Variants in RCN1 observed in about 807,000 individuals in gnomAD.
RCN1 encodes reticulocalbin-1.
In RCN1, 14 loss-of-function variants were observed where a neutral mutation model predicts 34.7. That is an observed-to-expected ratio of 0.40 (90% CI 0.27 to 0.63). RCN1 has a LOEUF of 0.63. RCN1 is among the 30% of genes least tolerant of loss of function. The pLI is 0.37. For synonymous variants in RCN1, 125 were observed against 165.5 expected (o/e 0.76, Z 1.88); for missense variants, 326 against 425.1 (o/e 0.77, Z 2.05).
At position 32,091,242 on chromosome 11, in the gene RCN1, C is replaced by A. The variant is rs771721732; in HGVS notation, c.46C>A (p.Leu16Met). ...CCGCCGCCTGGGGTTAGCCCTGGGG[C>A]TGCTGCTGGCGCTGGTGCTGGCGCC... Reference protein sequence around the residue: ...RGRRLGLALGLLLALVLAPRV... With the variant: ...RGRRLGLALGMLLALVLAPRV... The change falls in exon 1 of 6, where the codon CTG (leucine) becomes ATG (methionine). Residue 16 changes from leucine to methionine, a missense_variant. Leu to Met is a conservative substitution (Grantham distance 15). Coordinates refer to ENST00000054950, the MANE Select transcript of RCN1 (RefSeq NM_002901.4). 1.3e-6 allele frequency: 2 copies of A among 1,530,588 alleles called. No individual in the cohort carries two copies. The highest frequency in any genetic ancestry group is 1.2e-5 in the South Asian group (1 of 81,464). The allele number at this position is 1,530,588 out of a possible 1,614,324, so 94.8% of individuals were successfully genotyped here.
chr11:32,103,059 T>G (rs1257064570), intron 4 of RCN1: 1 of 643,360 alleles, frequency 1.6e-6, no homozygotes, highest in African/African-American at 1.8e-5. Flanking sequence ...GATTTATCTT[T>G]TGGCTTCTAA....
intron 4 of RCN1, chr11:32,102,270 G>GA (rs36081339): frequency 0.71 from 107,942 of 151,664 alleles, 38,731 homozygotes; most frequent in East Asian, 0.96. Context: ...TAAAATGGGG[G>GA]AAAAAAAGTG....
intron 3 of RCN1, among the ~76,000 whole-genome samples, chr11:32,100,198 G>A (rs980382405): frequency 2.0e-5 from 3 of 152,156 alleles, no homozygotes; most frequent in African/African-American, 7.2e-5. Flanking sequence ...TAATCCAGTG[G>A]TTCTCACACT....
chr11:32,097,211 A>G lies in RCN1; in HGVS notation c.322A>G (p.Ile108Val). 1 of 1,606,352 alleles carries G rather than the reference A, an allele frequency of 6.2e-7. No individual in the cohort carries two copies. The highest frequency in any genetic ancestry group is 8.5e-7 in the Non-Finnish European group (1 of 1,177,670). Residue 108 changes from isoleucine to valine, a missense_variant, in exon 2 of 6, where the codon ATC (isoleucine) becomes GTC (valine). By Grantham distance (29) the Ile-to-Val change is conservative. Transcript: ENST00000054950. ...FVTTEELKTW[I>V]KRVQKRYIFD... ...CACTACTGAGGAGCTGAAAACCTGG[A>G]TCAAACGGGTGCAGAAAAGATACAT...
At chr11:32,104,193 G>A (rs543451894) in intron 5 of RCN1, among the ~76,000 whole-genome samples, 172 bp from the exon 6 acceptor site, 70 of 152,314 alleles carry the variant, frequency 4.6e-4, no homozygotes, top group African/African-American at 1.5e-3. Flanking sequence ...AGGCTGTTCC[G>A]ATTTGGAGTT....
At position 32,097,422 on chromosome 11, in the gene RCN1, C is replaced by G. The variant is rs1032524154; in HGVS notation, c.448+85C>G. On this transcript the variant is annotated intron_variant, in intron 2 of 5. Coordinates refer to ENST00000054950, the MANE Select transcript of RCN1 (RefSeq NM_002901.4). ...ACTCTCTCTTCTCTTATCATATCCA[C>G]TCCCTTCAGGGAGATGTCACAGCCT... is the stretch of plus-strand genomic sequence containing the variant. 32 of 988,868 alleles carry G rather than the reference C, an allele frequency of 3.2e-5. No homozygotes were observed. The South Asian group carries it at 5.9e-4, about 18-fold the overall frequency. 61.3% of individuals were successfully genotyped at this position (988,868 alleles called of 1,614,324 possible).
intron 1 of RCN1, among the ~76,000 whole-genome samples, chr11:32,093,386 T>C (rs1015575919): frequency 6.6e-6 from 1 of 152,030 alleles, no homozygotes; most frequent in Non-Finnish European, 1.5e-5. Context: ...TGTAAGCAAA[T>C]GTGGAGGAGA....
intron 1 of RCN1, among the ~76,000 whole-genome samples, chr11:32,094,843 T>G (rs1459235423): frequency 6.6e-6 from 1 of 152,344 alleles, no homozygotes; most frequent in East Asian, 1.9e-4. Flanking sequence ...GGTGTTCTGA[T>G]GAAAGTGCTA....
intron 5 of RCN1, 60 bp downstream of exon 5, chr11:32,103,540 T>G: frequency 1.3e-6 from 2 of 1,507,456 alleles, no homozygotes; most frequent in Non-Finnish European, 1.8e-6. Flanking sequence ...AAGATCGGTT[T>G]TGTTTGCTTT....
At chr11:32,104,278 G>A in intron 5 of RCN1, 87 bp from the exon 6 acceptor site, 1 of 783,616 alleles carries the variant, frequency 1.3e-6, no homozygotes, top group Non-Finnish European at 2.2e-6. Flanking sequence ...TTTAAATGTT[G>A]TACATCAGTG....
chr11:32,098,386 A>G lies in RCN1; in HGVS notation c.485A>G (p.His162Arg), dbSNP rs1851996936. Residue 162 changes from histidine (H) to arginine (R), a missense_variant, in exon 3 of 6, where the codon CAC becomes CGC. Transcript: ENST00000054950. ...GAGTTTCATGATTCTTCAGATCATC[A>G]CACCTTTAAAAAGATGCTGCCACGT... is the stretch of plus-strand genomic sequence containing the variant. ...PAEFHDSSDHHTFKKMLPRDE... is the reference protein window; with the variant it reads ...PAEFHDSSDHRTFKKMLPRDE... 1.9e-6 allele frequency: 3 copies of G among 1,613,680 alleles called. No homozygotes were observed. Among genetic ancestry groups the G allele is most frequent in the Non-Finnish European group, 8.5e-7 (1 of 1,179,886 alleles).
intron 3 of RCN1, among the ~76,000 whole-genome samples, chr11:32,100,190 A>C (rs1289486234): frequency 2.0e-5 from 3 of 152,150 alleles, no homozygotes; most frequent in Non-Finnish European, 4.4e-5. Context: ...TGGTCATCTA[A>C]TCCAGTGGTT....
intron 4 of RCN1, chr11:32,102,922 G>T (rs1451143986): frequency 2.2e-6 from 1 of 444,676 alleles, no homozygotes; most frequent in Non-Finnish European, 4.4e-6. Flanking sequence ...GCCAGTTTGG[G>T]TTGTAGAGGG....
At chr11:32,096,691 A>G (rs1851975930) in intron 1 of RCN1, 1 of 154,592 alleles carries the variant, frequency 6.5e-6, no homozygotes, top group South Asian at 2.1e-4. Context: ...TTCTCACCCC[A>G]GTTTTACCAA....
In RCN1 at chr11:32,100,642, C is replaced by T. The variant is rs16922817; in HGVS notation, c.688+34C>T. ...TGACCTAGAGTCTTGCTCAGCTGTC[C>T]TGACTGGGCCACATGACCCCACCCA... On this transcript the variant is annotated intron_variant, in intron 4 of 5. Transcript: ENST00000054950. The T allele has an allele frequency of 4.5e-3, 7,062 of 1,570,412 alleles. 271 individuals are homozygous for T. In the African/African-American group the frequency reaches 0.078, roughly 17 times the overall value.
chr11:32,094,589 A>G (rs2133472870), intron 1 of RCN1, among the ~76,000 whole-genome samples: 1 of 152,352 alleles, frequency 6.6e-6, no homozygotes, highest in Non-Finnish European at 1.5e-5. Context: ...TCCTTGCATC[A>G]ACACCTTAAC....
At chr11:32,097,729 T>C (rs974510366) in intron 2 of RCN1, among the ~76,000 whole-genome samples, 1 of 151,980 alleles carries the variant, frequency 6.6e-6, no homozygotes, top group African/African-American at 2.4e-5. Context: ...GTGTGGGTGG[T>C]TTGGAAACTG....
In RCN1 at chr11:32,103,366, G is replaced by A. The variant is rs763100209; in HGVS notation, c.774G>A (p.Leu258=). ...EREQFNEFRD[L]NKDGKLDKDE... ...AGCAGTTTAACGAATTCCGGGATCT[G>A]AACAAGGACGGGAAGTTAGACAAAG... Residue 258 remains leucine, a synonymous_variant, in exon 5 of 6, where the codon CTG becomes CTA. Transcript: ENST00000054950. 1.2e-6 allele frequency: 2 copies of A among 1,613,706 alleles called. No homozygotes were observed. Among genetic ancestry groups the A allele is most frequent in the Non-Finnish European group, 1.7e-6 (2 of 1,179,608 alleles).
intron 4 of RCN1, 63 bp from the exon 5 acceptor site, chr11:32,103,218 T>C (rs1852065961): frequency 1.4e-6 from 2 of 1,478,690 alleles, no homozygotes; most frequent in East Asian, 4.5e-5. Flanking sequence ...GTTTGTTTTA[T>C]GGGGGTGGGG....
Sources: gnomAD v4.1 joint callset for allele counts (sites outside exome capture counted in the v4.1 genomes callset) on GRCh38, gnomAD v4.1.1 for gene constraint, MANE v1.5 for transcripts, NCBI Gene and HGNC (gene_info 2026-07-23, HGNC 2026-07-21) for gene names.